Variants in MTHFD1 observed in about 807,000 individuals in gnomAD.
MTHFD1 encodes C-1-tetrahydrofolate synthase, cytoplasmic.
A neutral mutation model predicts 110.3 loss-of-function variants in MTHFD1; 44 were observed. The ratio of observed to expected loss-of-function variants is 0.40; its 90% CI spans 0.31 to 0.51. The LOEUF (loss-of-function observed/expected upper bound fraction) is 0.51, where lower values mean the gene tolerates loss of function less well. MTHFD1 is among the 20% of genes least tolerant of loss of function. The pLI is 0.60. For synonymous variants in MTHFD1, 402 were observed against 428.8 expected (o/e 0.94, Z 0.77); for missense variants, 909 against 1,173.1 (o/e 0.77, Z 3.29).
Position 64,420,113 on chromosome 14 carries a change from G to A in MTHFD1, c.727+188G>A, listed in dbSNP as rs1044742735. ...TGCCACTTGCAGGCAGGTCTGCCTG[G>A]TGCCAGAGCCTTTGATTTTCATCAT... is the stretch of plus-strand genomic sequence containing the variant. On this transcript the variant is annotated intron_variant, in intron 8 of 27. Coordinates refer to ENST00000652337, the MANE Select transcript of MTHFD1 (RefSeq NM_005956.4). 2.2e-4 allele frequency among the ~76,000 whole-genome samples: 33 copies of A among 152,170 alleles called. 1 individual carries two copies. Among genetic ancestry groups the A allele is most frequent in the African/African-American group, 7.0e-4 (29 of 41,446 alleles).
intron 2 of MTHFD1, among the ~76,000 whole-genome samples, chr14:64,410,410 G>T (rs375602166): frequency 6.8e-4 from 40 of 58,718 alleles, no homozygotes; most frequent in South Asian, 4.5e-3. Context: ...GTAAAGATGG[G>T]GGGGGGGGTC....
At chr14:64,418,475 T>TA (rs529550943) in intron 7 of MTHFD1, among the ~76,000 whole-genome samples, 157 of 150,438 alleles carry the variant, frequency 1.0e-3, no homozygotes, top group African/African-American at 3.6e-3. Flanking sequence ...ATTAATTAAT[T>TA]AAAAAAAACA....
At chr14:64,453,884 C>A (rs1265968062) in intron 25 of MTHFD1, 23 bp downstream of exon 25, 1 of 1,428,216 alleles carries the variant, frequency 7.0e-7, no homozygotes. Context: ...TTAGTTTGTC[C>A]TTTCAACTCT....
chr14:64,438,997 A>G, intron 16 of MTHFD1, 99 bp from the exon 17 acceptor site: 4 of 841,152 alleles, frequency 4.8e-6, no homozygotes, highest in Non-Finnish European at 8.3e-6. Context: ...TTGATAGACA[A>G]TCATGAAATT....
chr14:64,455,847 A>G lies in MTHFD1; in HGVS notation c.2718+972A>G, dbSNP rs150230831. Among the ~76,000 whole-genome samples the G allele has an allele frequency of 3.9e-5, 6 of 152,338 alleles. No individual in the cohort carries two copies. In the East Asian group the frequency reaches 9.6e-4, roughly 24 times the overall value. ...GCCCTCAGCTCACACTGTAGGCAAC[A>G]TCATCACATCACAGTGGTGCTTAGC... On this transcript the variant is annotated intron_variant, in intron 26 of 27. Coordinates refer to ENST00000652337, the MANE Select transcript of MTHFD1 (RefSeq NM_005956.4).
intron 4 of MTHFD1, among the ~76,000 whole-genome samples, chr14:64,413,726 A>G (rs779423843): frequency 7.9e-5 from 12 of 152,360 alleles, no homozygotes; most frequent in Non-Finnish European, 1.6e-4. Flanking sequence ...CTGCCATCGC[A>G]GAAAAGATGA....
At chr14:64,397,589 G>A (rs372826900) in intron 1 of MTHFD1, among the ~76,000 whole-genome samples, 1 of 152,028 alleles carries the variant, frequency 6.6e-6, no homozygotes, top group Non-Finnish European at 1.5e-5. Context: ...CATCATGCCC[G>A]GCCCGAAGCC....
rs563992464 is a variant in MTHFD1 at position 64,458,242 on chromosome 14, G to A, written c.2747G>A (p.Arg916Gln). ...TMSTMPGLPT[R>Q]PCFYDIDLDP... is the part of the protein sequence containing the mutation. ...AGCACAATGCCTGGACTCCCCACCC[G>A]GCCCTGTTTTTATGATATTGATTTG... is the stretch of plus-strand genomic sequence containing the variant. The change falls in exon 27 of 28, where the codon CGG becomes CAG. Residue 916 changes from arginine (R) to glutamine (Q), a missense_variant. Transcript: ENST00000652337. 30 of 1,612,856 alleles carry A rather than the reference G, an allele frequency of 1.9e-5. No homozygotes were observed. Among genetic ancestry groups the A allele is most frequent in the East Asian group, 2.2e-5 (1 of 44,860 alleles).
chr14:64,408,285 CTTTTT>C (rs1555336630), intron 2 of MTHFD1, among the ~76,000 whole-genome samples: 1 of 121,206 alleles, frequency 8.3e-6, no homozygotes, highest in Non-Finnish European at 1.6e-5. Context: ...AATCAGCATT[CTTTTT>C]TTTTTTTTTT....
chr14:64,419,982 A>G, intron 8 of MTHFD1, 57 bp downstream of exon 8: 1 of 1,202,668 alleles, frequency 8.3e-7, no homozygotes. Context: ...TATCTAGGTC[A>G]TCAAAAGAAG....
rs747867576 is a variant in MTHFD1 at position 64,448,255 on chromosome 14, G to C, written c.2217G>C (p.Lys739Asn). The C allele has an allele frequency of 1.2e-6, 2 of 1,614,058 alleles. No individual in the cohort carries two copies. Among genetic ancestry groups the C allele is most frequent in the Non-Finnish European group, 1.7e-6 (2 of 1,180,018 alleles). The change falls in exon 23 of 28, where the codon AAG (lysine) becomes AAC (asparagine). Residue 739 changes from lysine (K) to asparagine (N), a missense_variant. By Grantham distance (94) the Lys-to-Asn change is moderately conservative. This residue lies in a region of MTHFD1 where 482 missense variants were observed against 646.0 expected (regional missense o/e 0.75). Coordinates refer to ENST00000652337, the MANE Select transcript of MTHFD1 (RefSeq NM_005956.4). ...TTGAAAAAGGCTTCAGTAACTTGAAGAAACAAATTGAAAATGCCAGAATGT... is the reference window on the plus strand; with the variant it reads ...TTGAAAAAGGCTTCAGTAACTTGAACAAACAAATTGAAAATGCCAGAATGT... ...ELVEKGFSNLKKQIENARMFG... is the reference protein window; with the variant it reads ...ELVEKGFSNLNKQIENARMFG...
At chr14:64,405,190 A>G (rs74537089) in intron 2 of MTHFD1, among the ~76,000 whole-genome samples, 1,570 of 152,192 alleles carry the variant, frequency 0.01, 16 homozygotes, top group Non-Finnish European at 0.017. Context: ...TTCTTGGCTT[A>G]TTTTTGCAAA....
At chr14:64,415,832 A>T in intron 6 of MTHFD1, 93 bp downstream of exon 6, 1 of 1,257,638 alleles carries the variant, frequency 8.0e-7, no homozygotes, top group Non-Finnish European at 1.1e-6. Context: ...TGTGGGCCAT[A>T]AATAAATGGA....
At chr14:64,444,574 T>C (rs2078275557) in intron 21 of MTHFD1, 119 bp from the exon 22 acceptor site, 3 of 1,126,602 alleles carry the variant, frequency 2.7e-6, no homozygotes, top group Non-Finnish European at 4.0e-6. Flanking sequence ...GAAATAATCT[T>C]ATACTACTGT....
chr14:64,431,280 G>C (rs1231027277), intron 13 of MTHFD1, among the ~76,000 whole-genome samples: 1 of 151,678 alleles, frequency 6.6e-6, no homozygotes, highest in Non-Finnish European at 1.5e-5. Context: ...TGCCCAGGGT[G>C]GTCTTGAACT....
In MTHFD1 at chr14:64,412,592, G is replaced by A. The variant is rs374524754; in HGVS notation, c.240+67G>A. On this transcript the variant is annotated intron_variant, in intron 4 of 27. Transcript: ENST00000652337. Reference sequence around the variant, plus strand: ...GGTTTCCTCTCTGGTTTTGGTTTACGGGGGCTTTGGGGACTGACACATTTA... The same window carrying A: ...GGTTTCCTCTCTGGTTTTGGTTTACAGGGGCTTTGGGGACTGACACATTTA... 3.7e-4 allele frequency: 440 copies of A among 1,200,304 alleles called. 2 individuals carry two copies. The highest frequency in any genetic ancestry group is 4.6e-4 in the Non-Finnish European group (368 of 802,888). 74.4% of individuals were successfully genotyped at this position (1,200,304 alleles called of 1,614,324 possible). A position where few individuals can be genotyped will look rare whatever the true frequency, so the allele number is the denominator to read the frequency against.
At chr14:64,405,801 A>C (rs2077931481) in intron 2 of MTHFD1, among the ~76,000 whole-genome samples, 1 of 152,016 alleles carries the variant, frequency 6.6e-6, no homozygotes, top group Admixed American at 6.6e-5. Context: ...ATCACAATCT[A>C]TCCAGCCACA....
chr14:64,415,859 G>A (rs966684277), intron 6 of MTHFD1, 120 bp downstream of exon 6: 1 of 956,224 alleles, frequency 1.0e-6, no homozygotes, highest in African/African-American at 1.6e-5. Flanking sequence ...TGGCAGAAGG[G>A]CCTGTCTACT....
chr14:64,437,931 T>C (rs8022545), intron 16 of MTHFD1, among the ~76,000 whole-genome samples: 47,487 of 151,936 alleles, frequency 0.31, 7,802 homozygotes, highest in East Asian at 0.59. Context: ...TAGAGTGCAA[T>C]GGAGTGATCT....
Sources: allele counts gnomAD v4.1 joint callset (sites outside exome capture counted in the v4.1 genomes callset), GRCh38; gene constraint gnomAD v4.1.1; regional missense constraint gnomAD v4.1.1; transcripts MANE v1.5; gene names NCBI Gene and HGNC (gene_info 2026-07-23, HGNC 2026-07-21).